The following P2RY10 variants were observed in gnomAD, a reference collection of about 807,000 sequenced individuals.
P2RY10 encodes the protein putative P2Y purinoceptor 10.
Under a neutral mutation model 12.1 loss-of-function variants are expected in P2RY10, and 4 were observed. The observed-to-expected ratio is 0.33, with a 90% CI of 0.16 to 0.76. The LOEUF is 0.76. Among genes scored for constraint, P2RY10 ranks in the 30% least tolerant of loss-of-function variants. The pLI is 0.61. For synonymous variants in P2RY10, 112 were observed against 94.1 expected, an observed-to-expected ratio of 1.19 and a Z score of -1.10; for missense variants, 233 against 264.6, an observed-to-expected ratio of 0.88 and a Z score of 0.83.
intron 3 of P2RY10, among the ~76,000 whole-genome samples, chrX:78,959,977 G>T (rs1214677447): frequency 1.8e-5 from 2 of 111,411 alleles, no homozygotes; most frequent in Non-Finnish European, 3.8e-5. Context: ...GATCAGCCGG[G>T]ACACTGACAA....
At chrX:78,954,697 T>C (rs893076077) in intron 3 of P2RY10, among the ~76,000 whole-genome samples, 6 of 112,418 alleles carry the variant, frequency 5.3e-5, no homozygotes, top group Non-Finnish European at 1.9e-5. Context: ...GGATTATTTT[T>C]CTCTGGAATT....
At position 78,963,195 on chromosome X, in the gene P2RY10, G is replaced by A. The variant is rs1922719766; in HGVS notation, c.*1655G>A. 8.9e-6 allele frequency among the ~76,000 whole-genome samples: 1 copy of A among 111,942 alleles called. No individual in the cohort carries two copies. The highest frequency in any genetic ancestry group is 3.2e-5 in the African/African-American group (1 of 30,791). ...GTGTGAAGGGAGGAGAAAGGAAGTA[G>A]TAGTTCTGAGAATATTCATTTGAAC... On this transcript the variant is annotated 3_prime_UTR_variant, in exon 4 of 4. Coordinates refer to ENST00000171757, the MANE Select transcript of P2RY10 (RefSeq NM_014499.4).
chrX:78,960,932 C>G lies in P2RY10; in HGVS notation c.412C>G (p.Pro138Ala). 1 of 1,211,170 alleles carries G rather than the reference C, an allele frequency of 8.3e-7. No individual in the cohort carries two copies. Among genetic ancestry groups the G allele is most frequent in the Non-Finnish European group, 1.1e-6 (1 of 895,079 alleles). ...SLQRCFFLLK[P>A]FRARDWKRRY... ...TCAAAGGTGCTTTTTTCTCCTCAAG[C>G]CCTTCAGGGCCAGAGACTGGAAGCG... Residue 138 changes from proline (P) to alanine (A), a missense_variant, in exon 4 of 4, where the codon CCC (proline) becomes GCC (alanine). By Grantham distance (27) the Pro-to-Ala change is conservative (BLOSUM62 -1). Coordinates refer to ENST00000171757, the MANE Select transcript of P2RY10 (RefSeq NM_014499.4).
In P2RY10 at chrX:78,952,268, T is replaced by A; in HGVS notation, c.-81T>A. On this transcript the variant is annotated 5_prime_UTR_variant, in exon 3 of 4. Transcript: ENST00000171757. ...TACCCTTCTTTCAAGTGAAAAGGCA[T>A]CTCTTTTAATGGTCCTGACCTTTGG... 2.7e-6 allele frequency: 2 copies of A among 748,141 alleles called. No individual in the cohort carries two copies. The highest frequency in any genetic ancestry group is 3.2e-6 in the Non-Finnish European group (2 of 633,856). 61.7% of individuals were successfully genotyped at this position (748,141 alleles called of 1,213,427 possible).
intron 3 of P2RY10, among the ~76,000 whole-genome samples, chrX:78,956,648 G>A (rs1184192916): frequency 9.1e-6 from 1 of 110,394 alleles, no homozygotes; most frequent in Non-Finnish European, 1.9e-5. Context: ...GTGTGAGAGT[G>A]TGTAATGATG....
chrX:78,960,196 G>T (rs1051232227), intron 3 of P2RY10, among the ~76,000 whole-genome samples: 1 of 112,011 alleles, frequency 8.9e-6, no homozygotes, highest in Non-Finnish European at 1.9e-5. Flanking sequence ...AAATATAATC[G>T]AATTCTATGC....
At chrX:78,954,633 T>C (rs1223967921) in intron 3 of P2RY10, among the ~76,000 whole-genome samples, 4 of 112,174 alleles carry the variant, frequency 3.6e-5, no homozygotes, top group Non-Finnish European at 7.5e-5. Context: ...CCGTTATGGT[T>C]AGTTACTTAT....
chrX:78,950,196 G>A (rs1025913286), intron 2 of P2RY10, among the ~76,000 whole-genome samples: 1 of 111,247 alleles, frequency 9.0e-6, no homozygotes, highest in African/African-American at 3.3e-5. Context: ...GATTGAGAGT[G>A]AAGATTTATG....
At chrX:78,948,867 GTCAATTGGCACATAGATTCAT>G (rs1921974954) in intron 2 of P2RY10, among the ~76,000 whole-genome samples, 1 of 111,732 alleles carries the variant, frequency 8.9e-6, no homozygotes, top group Admixed American at 9.5e-5. Flanking sequence ...CCACTCGTTA[GTCAATTGGCACATAGATTCAT>G]TCCACATCTT....
At chrX:78,958,235 T>A (rs930384053) in intron 3 of P2RY10, among the ~76,000 whole-genome samples, 5 of 112,850 alleles carry the variant, frequency 4.4e-5, no homozygotes, top group Non-Finnish European at 9.4e-5. Context: ...GCTCTTCACA[T>A]GTCACAGTGA....
chrX:78,953,682 G>A (rs1336027611), intron 3 of P2RY10, among the ~76,000 whole-genome samples: 2 of 110,544 alleles, frequency 1.8e-5, no homozygotes, highest in Non-Finnish European at 3.8e-5. Flanking sequence ...CTTTGCTTTG[G>A]ACTGTCACAG....
At position 78,962,402 on chromosome X, in the gene P2RY10, C is replaced by T. The variant is rs1922674398; in HGVS notation, c.*862C>T. Among the ~76,000 whole-genome samples, 1 of 112,043 alleles carries T rather than the reference C, an allele frequency of 8.9e-6. No homozygotes were observed. The highest frequency in any genetic ancestry group is 2.8e-4 in the East Asian group (1 of 3,590). ...GTTAAGCAATTTGCCTCAGGATCAA[C>T]AGTGGTTAGCCAAAATTGGTCCAGT... On this transcript the variant is annotated 3_prime_UTR_variant, in exon 4 of 4. Coordinates refer to ENST00000171757, the MANE Select transcript of P2RY10 (RefSeq NM_014499.4).
At chrX:78,951,913 C>G (rs1306822250) in intron 2 of P2RY10, among the ~76,000 whole-genome samples, 2 of 111,418 alleles carry the variant, frequency 1.8e-5, no homozygotes, top group African/African-American at 3.3e-5. Context: ...GATGCTCTCT[C>G]TCACCCAACA....
intron 1 of P2RY10, 95 bp from the exon 2 acceptor site, chrX:78,947,720 A>G: frequency 6.6e-6 from 1 of 151,772 alleles, no homozygotes; most frequent in Non-Finnish European, 1.1e-5. Flanking sequence ...GGGCCATAAT[A>G]GGGAAATCTA....
chrX:78,958,439 G>A (rs1262249061), intron 3 of P2RY10, among the ~76,000 whole-genome samples: 1 of 112,046 alleles, frequency 8.9e-6, no homozygotes. Context: ...CCTAGTCAGG[G>A]AGAGGAAAGT....
chrX:78,952,878 G>T (rs757223937), intron 3 of P2RY10, among the ~76,000 whole-genome samples: 1 of 111,906 alleles, frequency 8.9e-6, no homozygotes, highest in African/African-American at 3.2e-5. Context: ...ATAGTCTTCC[G>T]AGAAAAGTGG....
chrX:78,957,387 C>CACACACACACACACAGAGAG (rs760263078), intron 3 of P2RY10, among the ~76,000 whole-genome samples: 1 of 75,811 alleles, frequency 1.3e-5, no homozygotes, highest in Non-Finnish European at 2.7e-5. Flanking sequence ...CACACACACA[C>CACACACACACACACAGAGAG]AGAGAGAGAG....
chrX:78,961,135 A>C lies in P2RY10; in HGVS notation c.615A>C (p.Ala205=). 1.7e-6 allele frequency: 2 copies of C among 1,211,485 alleles called. No individual in the cohort carries two copies. Among genetic ancestry groups the C allele is most frequent in the Non-Finnish European group, 2.2e-6 (2 of 895,305 alleles). ...GGATGATTACAGTTGCTGAGCTTGC[A>C]GGATTTGTGATCCCAGTGATCATCA... ...LVGMITVAEL[A]GFVIPVIIIA... The change falls in exon 4 of 4, where the codon GCA becomes GCC. Residue 205 remains alanine, a synonymous_variant. Transcript: ENST00000171757.
intron 1 of P2RY10, among the ~76,000 whole-genome samples, chrX:78,946,652 C>A (rs759707336): frequency 8.9e-6 from 1 of 112,323 alleles, no homozygotes; most frequent in Non-Finnish European, 1.9e-5. Context: ...GTAAAATTAA[C>A]CACTTATGAA....
Sources: allele counts gnomAD v4.1 joint callset (sites outside exome capture counted in the v4.1 genomes callset), GRCh38; gene constraint gnomAD v4.1.1; transcripts MANE v1.5; gene names NCBI Gene and HGNC (gene_info 2026-07-23, HGNC 2026-07-21).